COL4A6: variants seen among roughly 807,000 people sequenced by gnomAD.
COL4A6 encodes the protein collagen type IV alpha 6 chain, also known as collagen alpha-6(IV) chain.
In COL4A6, 59 loss-of-function variants were observed where a neutral mutation model predicts 126.7. That is an observed-to-expected ratio of 0.47 (90% CI 0.38 to 0.58). The LOEUF (loss-of-function observed/expected upper bound fraction) is 0.58. COL4A6 is among the 20% of genes least tolerant of loss of function. The pLI is 0.00. For synonymous variants in COL4A6, 547 were observed against 496.6 expected (o/e 1.10, Z -1.35); for missense variants, 1,285 against 1,337.3 (o/e 0.96, Z 0.61).
At chrX:108,376,944 A>G (rs180877595) in intron 2 of COL4A6, among the ~76,000 whole-genome samples, 105 of 112,581 alleles carry the variant, frequency 9.3e-4, no homozygotes, top group African/African-American at 3.2e-3. Flanking sequence ...AGAAACAGAC[A>G]CAGAGAAAAA....
intron 2 of COL4A6, among the ~76,000 whole-genome samples, chrX:108,363,562 T>G (rs1170019655): frequency 4.5e-5 from 5 of 112,150 alleles, no homozygotes; most frequent in African/African-American, 1.6e-4. Flanking sequence ...GGAAGTTGGT[T>G]GTCCAGACCC....
rs956674563 is a variant in COL4A6, at chrX:108,205,546, T to C, written c.646-66A>G. 12 of 1,118,586 alleles carry C rather than the reference T, an allele frequency of 1.1e-5. No individual in the cohort carries two copies. In the African/African-American group the frequency reaches 1.3e-4, roughly 12 times the overall value. 92.2% of individuals were successfully genotyped at this position (1,118,586 alleles called of 1,213,427 possible). The stretch of plus-strand genomic sequence containing the variant: ...ACTAAATAAGCTCTGGGAACTTAAA[T>C]TGGAATGCAATCTTTTTTACCAGAA... On this transcript the variant is annotated intron_variant, in intron 10 of 44. Coordinates refer to ENST00000334504, the MANE Select transcript of COL4A6 (RefSeq NM_033641.4).
At chrX:108,410,284 A>C (rs147058216) in intron 2 of COL4A6, among the ~76,000 whole-genome samples, 1 of 111,672 alleles carries the variant, frequency 9.0e-6, no homozygotes, top group Non-Finnish European at 1.9e-5. Context: ...CTGATTAATC[A>C]CTTTCACATT....
At chrX:108,208,445 A>G (rs1246087773) in intron 8 of COL4A6, among the ~76,000 whole-genome samples, 1 of 112,322 alleles carries the variant, frequency 8.9e-6, no homozygotes, top group Non-Finnish European at 1.9e-5. Context: ...CCATAAAATA[A>G]ACCTTGACAA....
At chrX:108,160,362 A>G in intron 43 of COL4A6, 101 bp downstream of exon 43, 1 of 849,422 alleles carries the variant, frequency 1.2e-6, no homozygotes, top group Non-Finnish European at 1.7e-6. Flanking sequence ...GTAACTCACT[A>G]CACAACAGTG....
intron 13 of COL4A6, 62 bp from the exon 14 acceptor site, chrX:108,196,641 T>C: frequency 2.0e-6 from 2 of 979,954 alleles, no homozygotes; most frequent in Non-Finnish European, 2.8e-6. Context: ...CCTGGCTTCA[T>C]CCAAAGCAAG....
At chrX:108,266,907 C>T (rs976699176) in intron 3 of COL4A6, among the ~76,000 whole-genome samples, 2 of 111,630 alleles carry the variant, frequency 1.8e-5, no homozygotes, top group African/African-American at 6.5e-5. Context: ...TTGACTCAAC[C>T]TCTGTATTAG....
chrX:108,187,966 C>T lies in COL4A6; in HGVS notation c.1649G>A (p.Ser550Asn), dbSNP rs767410861. 1 of 1,205,466 alleles carries T rather than the reference C, an allele frequency of 8.3e-7. No homozygotes were observed. The highest frequency in any genetic ancestry group is 1.8e-5 in the African/African-American group (1 of 56,911). The change falls in exon 22 of 45, where the codon AGT (serine) becomes AAT (asparagine). Residue 550 changes from serine to asparagine, a missense_variant. Physicochemically the swap from Ser to Asn is conservative, Grantham distance 46. Coordinates refer to ENST00000334504, the MANE Select transcript of COL4A6 (RefSeq NM_033641.4). ...PKGKKGEPIL[S>N]TIQGMPGDRG... ...ATCTCCTGGCATTCCTTGGATTGTACTGAGAATTGGTTCCCCCTTCTTTCC... is the reference window on the plus strand; with the variant it reads ...ATCTCCTGGCATTCCTTGGATTGTATTGAGAATTGGTTCCCCCTTCTTTCC...
At chrX:108,216,175 A>G (rs2035850895) in intron 5 of COL4A6, among the ~76,000 whole-genome samples, 1 of 111,726 alleles carries the variant, frequency 9.0e-6, no homozygotes, top group Non-Finnish European at 1.9e-5. Flanking sequence ...GATATTTCCT[A>G]CCTGTAGGAT....
intron 3 of COL4A6, among the ~76,000 whole-genome samples, chrX:108,245,195 G>A (rs1021200941): frequency 1.1e-4 from 12 of 112,341 alleles, no homozygotes; most frequent in Non-Finnish European, 2.3e-4. Context: ...AGGTCAGTCC[G>A]ATAACATTCC....
chrX:108,273,098 C>T (rs1489729131), intron 3 of COL4A6, among the ~76,000 whole-genome samples: 6 of 110,131 alleles, frequency 5.4e-5, no homozygotes, highest in Non-Finnish European at 9.5e-5. Flanking sequence ...CTCCACCCCA[C>T]GACAGGCCCC....
chrX:108,212,815 C>A (rs1164733531), intron 6 of COL4A6, among the ~76,000 whole-genome samples: 1 of 111,863 alleles, frequency 8.9e-6, no homozygotes, highest in Non-Finnish European at 1.9e-5. Context: ...CCTATTTAGG[C>A]TTGAGGTTAA....
At chrX:108,378,641 CA>C (rs2040496160) in intron 2 of COL4A6, among the ~76,000 whole-genome samples, 2 of 112,462 alleles carry the variant, frequency 1.8e-5, no homozygotes, top group South Asian at 3.7e-4. Flanking sequence ...TCTTGTATGC[CA>C]CTTCCAGGTA....
At chrX:108,262,042 T>C (rs2037175784) in intron 3 of COL4A6, among the ~76,000 whole-genome samples, 2 of 111,541 alleles carry the variant, frequency 1.8e-5, no homozygotes, top group South Asian at 7.5e-4. Flanking sequence ...CAGCAAGGGA[T>C]TTGTTGGGTC....
intron 2 of COL4A6, among the ~76,000 whole-genome samples, chrX:108,432,479 T>C (rs1306014284): frequency 1.8e-5 from 2 of 112,407 alleles, no homozygotes; most frequent in Non-Finnish European, 3.8e-5. Flanking sequence ...TTTAGAATTA[T>C]GGGATTCAGG....
intron 3 of COL4A6, chrX:108,268,926 T>C (rs1211463748): frequency 8.5e-6 from 2 of 235,141 alleles, no homozygotes; most frequent in Non-Finnish European, 1.6e-5. Flanking sequence ...TCATTCTTTC[T>C]TGGTTCTACC....
chrX:108,404,526 C>A (rs2041164112), intron 2 of COL4A6, among the ~76,000 whole-genome samples: 1 of 111,645 alleles, frequency 9.0e-6, no homozygotes, highest in East Asian at 2.8e-4. Flanking sequence ...TGCTAATTTT[C>A]AATTCACCTC....
intron 14 of COL4A6, among the ~76,000 whole-genome samples, chrX:108,196,072 T>C (rs1309714459): frequency 9.0e-6 from 1 of 111,549 alleles, no homozygotes; most frequent in Non-Finnish European, 1.9e-5. Context: ...ACTCACTATG[T>C]TCTAGAACTT....
chrX:108,359,442 C>T (rs1217884694), intron 2 of COL4A6, among the ~76,000 whole-genome samples: 1 of 112,495 alleles, frequency 8.9e-6, no homozygotes, highest in Non-Finnish European at 1.9e-5. Flanking sequence ...TCCTATTATC[C>T]TGTCTTGCAA....
Sources: gnomAD v4.1 joint callset for allele counts (sites outside exome capture counted in the v4.1 genomes callset) on GRCh38, gnomAD v4.1.1 for gene constraint, MANE v1.5 for transcripts, NCBI Gene and HGNC (gene_info 2026-07-23, HGNC 2026-07-21) for gene names.